Variants in CNTN4 observed in about 807,000 individuals in gnomAD.
The protein encoded by CNTN4 is contactin 4, also known as contactin-4.
CNTN4 carries 77 observed loss-of-function variants against 122.5 expected under a neutral mutation model. That is an observed-to-expected ratio of 0.63 (90% confidence interval 0.52 to 0.76). The LOEUF is 0.76. CNTN4 is among the 30% of genes least tolerant of loss of function. CNTN4 has a pLI of 0.00. For missense variants in CNTN4, 1,256 were observed against 1,259.1 expected, an observed-to-expected ratio of 1.00 and a Z score of 0.04; for synonymous variants, 512 against 447.0, an observed-to-expected ratio of 1.15 and a Z score of -1.83.
At chr3:2,259,807 T>C (rs964740916) in intron 2 of CNTN4, among the ~76,000 whole-genome samples, 4 of 152,136 alleles carry the variant, frequency 2.6e-5, no homozygotes, top group Non-Finnish European at 4.4e-5. Flanking sequence ...CCAAATGATA[T>C]CAGCTCGTGA....
intron 4 of CNTN4, among the ~76,000 whole-genome samples, chr3:2,581,466 A>G (rs1284663357): frequency 6.6e-6 from 1 of 152,206 alleles, no homozygotes. Context: ...TAACATGGTC[A>G]AGGTTATATG....
intron 2 of CNTN4, among the ~76,000 whole-genome samples, chr3:2,203,093 G>C (rs1178532): frequency 0.81 from 122,644 of 151,912 alleles, 49,615 homozygotes; most frequent in East Asian, 0.85. Context: ...CTCAGCCTCC[G>C]AAAGTGCTGG....
At chr3:2,516,985 G>A (rs2077058045) in intron 3 of CNTN4, among the ~76,000 whole-genome samples, 1 of 152,152 alleles carries the variant, frequency 6.6e-6, no homozygotes, top group South Asian at 2.1e-4. Context: ...TGACTGTATT[G>A]TGGTTGGAAG....
At chr3:2,256,119 A>T (rs1049133937) in intron 2 of CNTN4, among the ~76,000 whole-genome samples, 4 of 152,210 alleles carry the variant, frequency 2.6e-5, no homozygotes, top group African/African-American at 9.6e-5. Flanking sequence ...ATCACCACTG[A>T]TCCCATAGAA....
At position 2,792,911 on chromosome 3, in the gene CNTN4, T is replaced by C. The variant is rs755009922; in HGVS notation, c.359-26575T>C. ...AGTATTTATGGAAACATTCCTCTGA[T>C]GAGTGAAGATTTGCAAAGCAGAGCT... On this transcript the variant is annotated intron_variant, in intron 6 of 24. Coordinates refer to ENST00000418658, the MANE Select transcript of CNTN4 (RefSeq NM_175607.3). Among the ~76,000 whole-genome samples the C allele has an allele frequency of 2.6e-5, 4 of 152,280 alleles. No homozygotes were observed. In the East Asian group the frequency reaches 7.7e-4, roughly 29 times the overall value.
At chr3:2,681,908 G>A (rs1458882091) in intron 4 of CNTN4, among the ~76,000 whole-genome samples, 1 of 151,862 alleles carries the variant, frequency 6.6e-6, no homozygotes, top group African/African-American at 2.4e-5. Flanking sequence ...CTTACATTTT[G>A]GAAAAGAATA....
intron 2 of CNTN4, among the ~76,000 whole-genome samples, chr3:2,134,300 G>C (rs891084750): frequency 2.6e-5 from 4 of 152,126 alleles, no homozygotes; most frequent in African/African-American, 9.7e-5. Flanking sequence ...AGAATCTCCA[G>C]GGCACTGGTG....
At chr3:2,144,161 G>A (rs1361956293) in intron 2 of CNTN4, 1 of 152,204 alleles carries the variant, frequency 6.6e-6, no homozygotes, top group African/African-American at 2.4e-5. Context: ...GGTATCTGGA[G>A]CAGGTGGGAC....
chr3:3,057,543 C>T lies in CNTN4; in HGVS notation c.*1323C>T, dbSNP rs1289728095. On this transcript the variant is annotated 3_prime_UTR_variant, in exon 25 of 25. Coordinates refer to ENST00000418658, the MANE Select transcript of CNTN4 (RefSeq NM_175607.3). ...GTGACATAAAAGGCAATGGAATTTT[C>T]TATAAACATTTTCTCATGTAAACAT... 1.3e-5 allele frequency: 2 copies of T among 152,630 alleles called. No individual in the cohort carries two copies. Among genetic ancestry groups the T allele is most frequent in the African/African-American group, 4.8e-5 (2 of 41,456 alleles). The allele number at this position is 152,630 out of a possible 1,614,324, so 9.5% of individuals were successfully genotyped here.
intron 5 of CNTN4, among the ~76,000 whole-genome samples, chr3:2,740,806 C>T (rs1440075097): frequency 1.3e-5 from 2 of 152,126 alleles, no homozygotes; most frequent in Middle Eastern, 3.2e-3. Flanking sequence ...GGGTAAAGGA[C>T]ATTGTATTCA....
chr3:2,375,916 A>G lies in CNTN4; in HGVS notation c.-89+36683A>G, dbSNP rs751118086. ...ATACCAGCCTGACATACATCAGTTG[A>G]AAGAAGAAAAAAAAAAAGAGAAAAC... On this transcript the variant is annotated intron_variant, in intron 3 of 24. Coordinates refer to ENST00000418658, the MANE Select transcript of CNTN4 (RefSeq NM_175607.3). 6.1e-4 allele frequency among the ~76,000 whole-genome samples: 92 copies of G among 151,958 alleles called. 1 individual carries two copies. The highest frequency in any genetic ancestry group is 1.2e-3 in the Non-Finnish European group (79 of 67,988).
intron 2 of CNTN4, among the ~76,000 whole-genome samples, chr3:2,148,519 C>CGA (rs1395030164): frequency 6.7e-6 from 1 of 150,324 alleles, no homozygotes; most frequent in Non-Finnish European, 1.5e-5. Flanking sequence ...GGTGACAGAG[C>CGA]GAGCCCCTGT....
At chr3:2,122,836 G>A (rs922540909) in intron 2 of CNTN4, among the ~76,000 whole-genome samples, 6 of 152,166 alleles carry the variant, frequency 3.9e-5, no homozygotes, top group Non-Finnish European at 8.8e-5. Context: ...AAGTGATCGT[G>A]TACCCAGGTA....
intron 4 of CNTN4, among the ~76,000 whole-genome samples, chr3:2,579,320 T>A (rs1228329458): frequency 1.3e-5 from 2 of 152,198 alleles, no homozygotes; most frequent in East Asian, 1.9e-4. Context: ...ACCTGTGTGA[T>A]CATTCTCTGT....
chr3:2,326,520 AC>A (rs2043468668), intron 2 of CNTN4, among the ~76,000 whole-genome samples: 1 of 53,506 alleles, frequency 1.9e-5, no homozygotes, highest in African/African-American at 4.4e-5. Context: ...ACACACACAC[AC>A]ACACACAATC....
chr3:2,303,790 G>T (rs2042608163), intron 2 of CNTN4, among the ~76,000 whole-genome samples: 1 of 152,120 alleles, frequency 6.6e-6, no homozygotes, highest in Admixed American at 6.5e-5. Context: ...TCCCACAGGC[G>T]CCTCTGATTC....
intron 2 of CNTN4, among the ~76,000 whole-genome samples, chr3:2,297,261 A>C (rs1437033343): frequency 2.6e-5 from 4 of 152,206 alleles, no homozygotes; most frequent in Non-Finnish European, 4.4e-5. Context: ...TTTACATCTA[A>C]AAGGAATGCA....
intron 2 of CNTN4, among the ~76,000 whole-genome samples, chr3:2,150,345 C>G (rs2035443871): frequency 6.6e-6 from 1 of 152,108 alleles, no homozygotes; most frequent in Admixed American, 6.5e-5. Context: ...GTAATATATC[C>G]TAAAGCAACT....
intron 6 of CNTN4, among the ~76,000 whole-genome samples, chr3:2,772,593 A>G (rs2091152914): frequency 6.6e-6 from 1 of 152,170 alleles, no homozygotes; most frequent in African/African-American, 2.4e-5. Flanking sequence ...CTGGATTCTT[A>G]TGAGTGTGAA....
Sources: gnomAD v4.1 joint callset for allele counts (sites outside exome capture counted in the v4.1 genomes callset) on GRCh38, gnomAD v4.1.1 for gene constraint, MANE v1.5 for transcripts, NCBI Gene and HGNC (gene_info 2026-07-23, HGNC 2026-07-21) for gene names.